CPLX1: variants seen among roughly 807,000 people sequenced by gnomAD.
The protein encoded by CPLX1 is complexin-1.
Under a neutral mutation model 15.6 loss-of-function variants are expected in CPLX1, and 6 were observed. The ratio of observed to expected loss-of-function variants is 0.39; its 90% CI spans 0.21 to 0.76. The LOEUF (loss-of-function observed/expected upper bound fraction) is 0.76. CPLX1 is among the 30% of genes least tolerant of loss of function. CPLX1 has a pLI of 0.43. For synonymous variants in CPLX1, 91 were observed against 75.2 expected, an observed-to-expected ratio of 1.21 and a Z score of -1.08; for missense variants, 242 against 188.6, an observed-to-expected ratio of 1.28 and a Z score of -1.66.
intron 2 of CPLX1, among the ~76,000 whole-genome samples, chr4:795,908 T>G (rs190160027): frequency 6.6e-6 from 1 of 152,106 alleles, no homozygotes; most frequent in East Asian, 1.9e-4. Flanking sequence ...AGCAGAGACG[T>G]TTCCTCTGCA....
At chr4:797,941 A>G (rs1188550786) in intron 2 of CPLX1, among the ~76,000 whole-genome samples, 1 of 151,624 alleles carries the variant, frequency 6.6e-6, no homozygotes, top group Non-Finnish European at 1.5e-5. Context: ...AAAAAACAAA[A>G]AGACTTACTA....
intron 1 of CPLX1, among the ~76,000 whole-genome samples, chr4:825,845 G>A (rs1004188246): frequency 8.1e-6 from 1 of 123,576 alleles, no homozygotes; most frequent in Admixed American, 7.8e-5. Context: ...CCGGAGCCGG[G>A]GAGGAGAGAC....
At chr4:802,890 G>T (rs1402713935) in intron 2 of CPLX1, among the ~76,000 whole-genome samples, 1 of 151,522 alleles carries the variant, frequency 6.6e-6, no homozygotes, top group Non-Finnish European at 1.5e-5. Context: ...GGCAGATGTT[G>T]CGGTGAGCCG....
intron 2 of CPLX1, among the ~76,000 whole-genome samples, chr4:807,880 T>C (rs1010374418): frequency 6.6e-6 from 1 of 152,234 alleles, no homozygotes; most frequent in African/African-American, 2.4e-5. Flanking sequence ...CATTTGTCTT[T>C]CTTGATATAT....
intron 3 of CPLX1, 190 bp from the exon 4 acceptor site, chr4:786,888 C>T (rs1294302349): frequency 1.0e-6 from 1 of 983,810 alleles, no homozygotes; most frequent in Non-Finnish European, 1.2e-6. Flanking sequence ...TGGGAAGCCC[C>T]CACGGAGAAT....
At chr4:798,825 G>A (rs1746397839) in intron 2 of CPLX1, among the ~76,000 whole-genome samples, 1 of 152,164 alleles carries the variant, frequency 6.6e-6, no homozygotes, top group African/African-American at 2.4e-5. Flanking sequence ...AGATCTAAAT[G>A]TCAAAGCTGA....
chr4:809,959 C>T (rs1164543640), intron 2 of CPLX1, among the ~76,000 whole-genome samples: 8 of 152,126 alleles, frequency 5.3e-5, no homozygotes, highest in South Asian at 2.1e-4. Context: ...CAGGACCCCA[C>T]GGTGTGGATG....
chr4:796,374 C>T (rs1746339668), intron 2 of CPLX1, among the ~76,000 whole-genome samples: 1 of 152,196 alleles, frequency 6.6e-6, no homozygotes, highest in Non-Finnish European at 1.5e-5. Flanking sequence ...CCAGATCCGC[C>T]TCCCGGGTTC....
At chr4:808,174 C>T (rs1403896288) in intron 2 of CPLX1, among the ~76,000 whole-genome samples, 1 of 151,968 alleles carries the variant, frequency 6.6e-6, no homozygotes, top group African/African-American at 2.4e-5. Flanking sequence ...GAGGCTGAGG[C>T]GAGAGAATTT....
chr4:786,759 C>T, intron 3 of CPLX1, 61 bp from the exon 4 acceptor site: 2 of 1,528,828 alleles, frequency 1.3e-6, no homozygotes, highest in East Asian at 2.3e-5. Context: ...GCCGCAGCCT[C>T]CCTGCGCCAG....
chr4:808,883 A>G (rs1297180846), intron 2 of CPLX1, among the ~76,000 whole-genome samples: 2 of 152,270 alleles, frequency 1.3e-5, no homozygotes, highest in African/African-American at 2.4e-5. Context: ...GATAATTCCA[A>G]TGATATTTAG....
At position 818,444 on chromosome 4, in the gene CPLX1, A is replaced by G. The variant is rs1746801232; in HGVS notation, c.31+6048T>C. 2.6e-5 allele frequency among the ~76,000 whole-genome samples: 4 copies of G among 152,248 alleles called. No homozygotes were observed. The South Asian group carries it at 8.3e-4, about 31-fold the overall frequency. ...GCCCAGCGTCTGATGCACGTCCTGC[A>G]ATGCTCCCTCTGTTTTGCGCCCACG... On this transcript the variant is annotated intron_variant, in intron 2 of 3. Coordinates refer to ENST00000304062, the MANE Select transcript of CPLX1 (RefSeq NM_006651.4).
At chr4:793,146 T>C (rs947719480) in intron 2 of CPLX1, among the ~76,000 whole-genome samples, 1 of 152,206 alleles carries the variant, frequency 6.6e-6, no homozygotes, top group Non-Finnish European at 1.5e-5. Context: ...TCTGGTCATG[T>C]GTCCAGCAGA....
chr4:808,004 C>T (rs1241885337), intron 2 of CPLX1, among the ~76,000 whole-genome samples: 1 of 152,196 alleles, frequency 6.6e-6, no homozygotes, highest in East Asian at 1.9e-4. Flanking sequence ...GCGGCGGTCA[C>T]ACCTGTCATC....
intron 2 of CPLX1, among the ~76,000 whole-genome samples, chr4:814,560 A>G (rs956300769): frequency 1.3e-5 from 2 of 152,146 alleles, no homozygotes; most frequent in Non-Finnish European, 2.9e-5. Context: ...GAGATGGAGG[A>G]TGGCCCCCGC....
intron 2 of CPLX1, among the ~76,000 whole-genome samples, chr4:800,956 G>A (rs1181250131): frequency 6.6e-6 from 1 of 151,700 alleles, no homozygotes; most frequent in Non-Finnish European, 1.5e-5. Context: ...GGTGGAGGTT[G>A]CAGTGAGCCA....
chr4:791,340 T>C lies in CPLX1; in HGVS notation c.207+1093A>G, dbSNP rs562872384. Among the ~76,000 whole-genome samples the C allele has an allele frequency of 7.6e-3, 957 of 126,416 alleles. 10 individuals are homozygous for C. The highest frequency in any genetic ancestry group is 0.028 in the African/African-American group (909 of 32,066). 82.9% of individuals were successfully genotyped at this position (126,416 alleles called of 152,430 possible). ...AGCGGCTTCTCTGCACCCTCCAGGG[T>C]GCATGGCGGTGGGCGGGGGGCTGCG... On this transcript the variant is annotated intron_variant, in intron 3 of 3. Coordinates refer to ENST00000304062, the MANE Select transcript of CPLX1 (RefSeq NM_006651.4).
Position 786,371 on chromosome 4 carries a change from G to C in CPLX1, c.*130C>G. On this transcript the variant is annotated 3_prime_UTR_variant, in exon 4 of 4. Transcript: ENST00000304062. ...CCGGGTGAGGGAGGCGGCGGGCGCGGGCAGGGCGGGCCTGGGGCTATGGCT... is the reference window on the plus strand; with the variant it reads ...CCGGGTGAGGGAGGCGGCGGGCGCGCGCAGGGCGGGCCTGGGGCTATGGCT... The C allele has an allele frequency of 9.7e-7, 1 of 1,034,482 alleles. No homozygotes were observed. The highest frequency in any genetic ancestry group is 1.3e-6 in the Non-Finnish European group (1 of 769,422). 64.1% of individuals were successfully genotyped at this position (1,034,482 alleles called of 1,614,324 possible).
In CPLX1 at chr4:786,072, G is replaced by C. The variant is rs989141271; in HGVS notation, c.*429C>G. 6.5e-6 allele frequency: 1 copy of C among 153,892 alleles called. No homozygotes were observed. The highest frequency in any genetic ancestry group is 2.4e-5 in the African/African-American group (1 of 41,506). 9.5% of individuals were successfully genotyped at this position (153,892 alleles called of 1,614,324 possible). A position where few individuals can be genotyped will look rare whatever the true frequency, so the allele number is the denominator to read the frequency against. ...TCCGAACCCCGGAGTCCGCGTGCAG[G>C]AGGGGGACCCAGGCCCCGCCGCCCT... On this transcript the variant is annotated 3_prime_UTR_variant, in exon 4 of 4. Coordinates refer to ENST00000304062, the MANE Select transcript of CPLX1 (RefSeq NM_006651.4).
Sources: gnomAD v4.1 joint callset for allele counts (sites outside exome capture counted in the v4.1 genomes callset) on GRCh38, gnomAD v4.1.1 for gene constraint, MANE v1.5 for transcripts, NCBI Gene and HGNC (gene_info 2026-07-23, HGNC 2026-07-21) for gene names.